Variants in PIK3R6 observed in about 807,000 individuals in gnomAD.
PIK3R6 encodes phosphoinositide 3-kinase regulatory subunit 6.
Under a neutral mutation model 84.9 loss-of-function variants are expected in PIK3R6, and 91 were observed. The ratio of observed to expected loss-of-function variants is 1.07; its 90% CI spans 0.90 to 1.28. The LOEUF is 1.28. PIK3R6 is among the 50% of genes most tolerant of loss of function. The pLI is 0.00. For missense variants in PIK3R6, 996 were observed against 985.1 expected (o/e 1.01, Z -0.15); for synonymous variants, 416 against 411.4 (o/e 1.01, Z -0.13).
intron 1 of PIK3R6, among the ~76,000 whole-genome samples, chr17:8,859,697 C>T (rs1301701706): frequency 6.6e-6 from 1 of 152,118 alleles, no homozygotes; most frequent in African/African-American, 2.4e-5. Context: ...TCCATCCTGC[C>T]CTTGGACAAA....
chr17:8,834,458 A>T (rs2088381387), intron 8 of PIK3R6, among the ~76,000 whole-genome samples: 1 of 152,064 alleles, frequency 6.6e-6, no homozygotes, highest in South Asian at 2.1e-4. Context: ...GCAGTGGTAC[A>T]GTCACAGCTC....
rs769574974 is a variant in PIK3R6, at chr17:8,837,908, G to T, written c.190-37C>A. 4.4e-6 allele frequency: 7 copies of T among 1,580,318 alleles called. No homozygotes were observed. In the East Asian group the frequency reaches 1.1e-4, roughly 25 times the overall value. On this transcript the variant is annotated intron_variant, in intron 4 of 19. Coordinates refer to ENST00000619866, the MANE Select transcript of PIK3R6 (RefSeq NM_001010855.4). ...GAGATCACGTGACAGGTATTGGGCTGGGGGAATCCCCACTTCATAGCGGGA... is the reference window on the plus strand; with the variant it reads ...GAGATCACGTGACAGGTATTGGGCTTGGGGAATCCCCACTTCATAGCGGGA...
chr17:8,818,665 G>T (rs1244406726), intron 18 of PIK3R6, among the ~76,000 whole-genome samples: 2 of 152,044 alleles, frequency 1.3e-5, no homozygotes, highest in African/African-American at 4.8e-5. Context: ...AAAAAAAATT[G>T]TTGATATGAG....
intron 1 of PIK3R6, among the ~76,000 whole-genome samples, chr17:8,853,960 T>TA (rs2089054293): frequency 8.0e-6 from 1 of 124,230 alleles, no homozygotes; most frequent in Non-Finnish European, 1.7e-5. Flanking sequence ...AGACTCCGTC[T>TA]GAAAAAAAAA....
chr17:8,804,584 T>C (rs555805606), intron 18 of PIK3R6, among the ~76,000 whole-genome samples: 1 of 152,266 alleles, frequency 6.6e-6, no homozygotes, highest in African/African-American at 2.4e-5. Flanking sequence ...ACAACATTAT[T>C]TACCTGCTGC....
intron 18 of PIK3R6, among the ~76,000 whole-genome samples, chr17:8,804,763 G>C (rs1054346311): frequency 5.9e-5 from 9 of 152,176 alleles, no homozygotes; most frequent in African/African-American, 1.9e-4. Context: ...GGAGCTTTCA[G>C]AGGTTGTGGT....
chr17:8,863,865 T>C lies in PIK3R6; in HGVS notation c.-92+3664A>G, dbSNP rs535520382. On this transcript the variant is annotated intron_variant, in intron 1 of 19. Transcript: ENST00000619866. Reference sequence around the variant, plus strand: ...CAAAAGGATGATGAGAGAGATCTCCTGAGGAGGTGCCATTTGAGTGGGAAC... The same window carrying C: ...CAAAAGGATGATGAGAGAGATCTCCCGAGGAGGTGCCATTTGAGTGGGAAC... Among the ~76,000 whole-genome samples the C allele has an allele frequency of 5.3e-5, 8 of 152,240 alleles. No individual in the cohort carries two copies. The East Asian group carries it at 1.5e-3, about 29-fold the overall frequency.
Position 8,827,160 on chromosome 17 carries a change from A to C in PIK3R6, c.1515+12T>G, listed in dbSNP as rs1597395743. On this transcript the variant is annotated intron_variant, in intron 13 of 19. Coordinates refer to ENST00000619866, the MANE Select transcript of PIK3R6 (RefSeq NM_001010855.4). Reference sequence around the variant, plus strand: ...CCCTCTCTCCCTCCCTGGTACCCTCACCCTCCCCTACCATCTCAGCCAGCT... The same window carrying C: ...CCCTCTCTCCCTCCCTGGTACCCTCCCCCTCCCCTACCATCTCAGCCAGCT... The C allele has an allele frequency of 1.9e-6, 3 of 1,609,222 alleles. No individual in the cohort carries two copies. The highest frequency in any genetic ancestry group is 1.7e-5 in the Admixed American group (1 of 59,638).
chr17:8,829,629 GAC>G (rs1302057388), intron 10 of PIK3R6, 75 bp downstream of exon 10: 11 of 1,397,014 alleles, frequency 7.9e-6, no homozygotes, highest in Middle Eastern at 1.8e-4. Flanking sequence ...CATGCACACT[GAC>G]ACACACTCAT....
At chr17:8,822,224 C>G (rs2087761857) in intron 16 of PIK3R6, among the ~76,000 whole-genome samples, 1 of 151,996 alleles carries the variant, frequency 6.6e-6, no homozygotes, top group African/African-American at 2.4e-5. Flanking sequence ...CCCATAAGTG[C>G]TAGCAGATAA....
chr17:8,827,364 C>T (rs962319273), intron 12 of PIK3R6, 70 bp from the exon 13 acceptor site: 1 of 1,502,918 alleles, frequency 6.7e-7, no homozygotes, highest in African/African-American at 1.4e-5. Flanking sequence ...TGCCATCAGC[C>T]TAGGCTGTGT....
At chr17:8,818,950 C>G (rs988429397) in intron 18 of PIK3R6, 133 bp downstream of exon 18, 1 of 599,064 alleles carries the variant, frequency 1.7e-6, no homozygotes, top group East Asian at 3.0e-5. Context: ...ACAGGAAGAC[C>G]CACTCCAATA....
At chr17:8,816,733 A>T (rs1567570413) in intron 18 of PIK3R6, among the ~76,000 whole-genome samples, 1 of 152,254 alleles carries the variant, frequency 6.6e-6, no homozygotes, top group Non-Finnish European at 1.5e-5. Flanking sequence ...GAAAAGTTTG[A>T]TCATCAAATT....
At chr17:8,832,375 CTTTTTT>C (rs759188865) in intron 9 of PIK3R6, among the ~76,000 whole-genome samples, 3 of 77,814 alleles carry the variant, frequency 3.9e-5, no homozygotes, top group East Asian at 4.6e-4. Flanking sequence ...TACCCACCTT[CTTTTTT>C]TTTTTTTTTT....
Position 8,838,550 on chromosome 17 carries a change from G to A in PIK3R6, c.189+14C>T. On this transcript the variant is annotated intron_variant, in intron 4 of 19. Transcript: ENST00000619866. ...TTTCATCCCCGTCTTCCTCCCTGAG[G>A]TCCAGGAACTCACCTTCTCCAGTTC... The A allele has an allele frequency of 1.3e-6, 2 of 1,585,210 alleles. No individual in the cohort carries two copies. Among genetic ancestry groups the A allele is most frequent in the Non-Finnish European group, 1.7e-6 (2 of 1,165,176 alleles).
At chr17:8,829,216 C>G (rs4369721) in intron 10 of PIK3R6, among the ~76,000 whole-genome samples, 1 of 61,936 alleles carries the variant, frequency 1.6e-5, no homozygotes, top group Non-Finnish European at 3.6e-5. Context: ...CACACACAGA[C>G]ACACACACAG....
At chr17:8,819,920 T>A (rs1026342049) in intron 17 of PIK3R6, among the ~76,000 whole-genome samples, 10 of 123,156 alleles carry the variant, frequency 8.1e-5, no homozygotes, top group Admixed American at 6.2e-4. Flanking sequence ...ATATATATAT[T>A]TTATATATAT....
At position 8,827,224 on chromosome 17, in the gene PIK3R6, T is replaced by C. The variant is rs962527779; in HGVS notation, c.1463A>G (p.Tyr488Cys). Residue 488 changes from tyrosine to cysteine, a missense_variant, in exon 13 of 20, where the codon TAC (tyrosine) becomes TGC (cysteine). Coordinates refer to ENST00000619866, the MANE Select transcript of PIK3R6 (RefSeq NM_001010855.4). ...GCACAGCGTGTTGACGTTGCTCTGG[T>C]ACCACGGGTCTACGCGGCCCAGGAA... ...ATFLGRVDPW[Y>C]QSNVNTLCPA... 7 of 1,607,022 alleles carry C rather than the reference T, an allele frequency of 4.4e-6. No individual in the cohort carries two copies. In the East Asian group the frequency reaches 1.6e-4, roughly 36 times the overall value.
chr17:8,854,079 T>C (rs1341769904), intron 1 of PIK3R6, among the ~76,000 whole-genome samples: 1 of 151,986 alleles, frequency 6.6e-6, no homozygotes, highest in African/African-American at 2.4e-5. Context: ...CTAAAGTTTA[T>C]AGGGAAAGGC....
Sources: gnomAD v4.1 joint callset for allele counts (sites outside exome capture counted in the v4.1 genomes callset) on GRCh38, gnomAD v4.1.1 for gene constraint, MANE v1.5 for transcripts, NCBI Gene and HGNC (gene_info 2026-07-23, HGNC 2026-07-21) for gene names.